The following SUN2 variants were observed in gnomAD, a reference collection of about 807,000 sequenced individuals.
SUN2 encodes the protein SUN domain-containing protein 2.
A neutral mutation model predicts 100.0 loss-of-function variants in SUN2; 60 were observed. The ratio of observed to expected loss-of-function variants is 0.60; its 90% CI spans 0.49 to 0.74. The LOEUF (loss-of-function observed/expected upper bound fraction) is 0.74. Among genes scored for constraint, SUN2 ranks in the 30% least tolerant of loss-of-function variants. The pLI is 0.00. For missense variants in SUN2, 834 were observed against 954.6 expected (o/e 0.87, Z 1.66); for synonymous variants, 367 against 403.3 (o/e 0.91, Z 1.08).
chr22:38,742,783 C>T, intron 8 of SUN2: 1 of 567,332 alleles, frequency 1.8e-6, no homozygotes, highest in Non-Finnish European at 3.1e-6. Flanking sequence ...AGGAAGGTCC[C>T]TGAGGACACA....
Position 38,740,896 on chromosome 22 carries a change from T to G in SUN2, c.1190+111A>C, listed in dbSNP as rs2092851501. The G allele has an allele frequency of 8.2e-7, 1 of 1,225,998 alleles. No individual in the cohort carries two copies. The highest frequency in any genetic ancestry group is 1.5e-5 in the African/African-American group (1 of 66,694). The allele number at this position is 1,225,998 out of a possible 1,614,324, so 75.9% of individuals were successfully genotyped here. On this transcript the variant is annotated intron_variant, in intron 11 of 17. Coordinates refer to ENST00000689035, the MANE Select transcript of SUN2 (RefSeq NM_015374.3). The surrounding 1 kb of genome is among the most constrained non-coding windows in gnomAD (Gnocchi z 4.8). ...TTCAACCCCTCCCCCTACCATCTGC[T>G]TGGCAAGATGATCAGAACTCTCTGC...
chr22:38,740,008 G>A lies in SUN2; in HGVS notation c.1357-65C>T. The A allele has an allele frequency of 1.9e-6, 3 of 1,543,008 alleles. No homozygotes were observed. Among genetic ancestry groups the A allele is most frequent in the Non-Finnish European group, 2.6e-6 (3 of 1,134,822 alleles). On this transcript the variant is annotated intron_variant, in intron 12 of 17. Transcript: ENST00000689035. This position sits in a 1 kb window ranked among gnomAD's most constrained non-coding sequence, Gnocchi z 4.8. ...AGGGACAGCAGGAGCTGCTATGACA[G>A]GGCTAGTGCTTAGCTGGATAGCAGG...
chr22:38,736,554 G>A, intron 17 of SUN2, 174 bp from the exon 18 acceptor site: 1 of 503,602 alleles, frequency 2.0e-6, no homozygotes, highest in Non-Finnish European at 3.5e-6. Context: ...CCTGAGCAGT[G>A]TTTCCAGCCA....
intron 8 of SUN2, chr22:38,743,750 C>G (rs2092879475): frequency 1.3e-5 from 2 of 151,910 alleles, no homozygotes; most frequent in Admixed American, 1.3e-4. Context: ...TTTAACTTAC[C>G]CTTTTTTACA....
intron 8 of SUN2, 63 bp from the exon 9 acceptor site, chr22:38,742,618 C>A: frequency 6.5e-7 from 1 of 1,543,378 alleles, no homozygotes; most frequent in Non-Finnish European, 8.8e-7. Flanking sequence ...TTCCCAAAGA[C>A]CACCCCGACA....
chr22:38,751,249 T>C lies in SUN2; in HGVS notation c.247A>G (p.Arg83Gly), dbSNP rs1474913633. 5 of 1,613,818 alleles carry C rather than the reference T, an allele frequency of 3.1e-6. No homozygotes were observed. The highest frequency in any genetic ancestry group is 4.5e-5 in the East Asian group (2 of 44,878). The change falls in exon 3 of 18, where the codon AGG (arginine) becomes GGG (glycine). Residue 83 changes from arginine to glycine, a missense_variant. Arg to Gly is a moderately radical substitution (Grantham distance 125). Coordinates refer to ENST00000689035, the MANE Select transcript of SUN2 (RefSeq NM_015374.3). ...CCATGCAGTTCCTCCAGGGAGCTCC[T>C]GGGTGGGAACCAGGACTCGTGGACC... ...SLVHESWFPPRSSLEELHGDA... is the reference protein window; with the variant it reads ...SLVHESWFPPGSSLEELHGDA...
chr22:38,741,045 G>C lies in SUN2; in HGVS notation c.1152C>G (p.Ser384=). ...ACTTCAGCTGCTGGATGCGAGCCTCGGACTCCTGTGTAGGAAGAAGGGACA... is the reference window on the plus strand; with the variant it reads ...ACTTCAGCTGCTGGATGCGAGCCTCCGACTCCTGTGTAGGAAGAAGGGACA... ...FKKIVRASQE[S]EARIQQLKSE... The change falls in exon 11 of 18, where the codon TCC becomes TCG. Residue 384 remains serine, a synonymous_variant. Transcript: ENST00000689035. 6.3e-7 allele frequency: 1 copy of C among 1,596,946 alleles called. No homozygotes were observed. The highest frequency in any genetic ancestry group is 8.5e-7 in the Non-Finnish European group (1 of 1,171,516).
At position 38,752,652 on chromosome 22, in the gene SUN2, C is replaced by T. The variant is rs745683805; in HGVS notation, c.-24G>A. On this transcript the variant is annotated 5_prime_UTR_variant, in exon 2 of 18. Coordinates refer to ENST00000689035, the MANE Select transcript of SUN2 (RefSeq NM_015374.3). ...ATGATGAGGTGGGATGTGGACTCTT[C>T]CCCTGAAGAGAATCTAAGGAGAGAG... The T allele has an allele frequency of 1.9e-6, 3 of 1,611,912 alleles. No individual in the cohort carries two copies.
At chr22:38,747,969 C>T (rs2092916704) in intron 7 of SUN2, among the ~76,000 whole-genome samples, 1 of 152,078 alleles carries the variant, frequency 6.6e-6, no homozygotes, top group Non-Finnish European at 1.5e-5. Context: ...CAAGGCAGGC[C>T]TGTGCTAGCG....
rs1245759909 is a variant in SUN2 at position 38,740,171 on chromosome 22, C to T, written c.1356+96G>A. On this transcript the variant is annotated intron_variant, in intron 12 of 17. Transcript: ENST00000689035. The surrounding 1 kb of genome is among the most constrained non-coding windows in gnomAD (Gnocchi z 4.8). ...CACAGTCTCTTGGGCATAACAGAGG[C>T]TGCAGGGGCAAGGGGTGCTGCTTTG... The T allele has an allele frequency of 7.1e-7, 1 of 1,411,606 alleles. No homozygotes were observed. Among genetic ancestry groups the T allele is most frequent in the East Asian group, 2.5e-5 (1 of 40,064 alleles). 87.4% of individuals were successfully genotyped at this position (1,411,606 alleles called of 1,614,324 possible).
At chr22:38,741,427 C>G (rs2092856661) in intron 10 of SUN2, 67 bp downstream of exon 10, 1 of 1,513,118 alleles carries the variant, frequency 6.6e-7, no homozygotes, top group Non-Finnish European at 9.1e-7. Flanking sequence ...GCCGAGGGGT[C>G]CGAGGTGAAC....
intron 10 of SUN2, 143 bp from the exon 11 acceptor site, chr22:38,741,193 G>T: frequency 1.1e-6 from 1 of 919,330 alleles, no homozygotes. Flanking sequence ...AATCAAACTG[G>T]CCTCCTTGTC....
At chr22:38,754,617 C>T (rs1259779690) in intron 1 of SUN2, 3 of 825,946 alleles carry the variant, frequency 3.6e-6, no homozygotes, top group Non-Finnish European at 5.3e-6. Flanking sequence ...CTCCCCCCTC[C>T]CTGCCCCGCC....
rs768995891 is a variant in SUN2 at position 38,748,778 on chromosome 22, A to G, written c.620T>C (p.Phe207Ser). Residue 207 changes from phenylalanine (F) to serine (S), a missense_variant, in exon 7 of 18, where the codon TTC (phenylalanine) becomes TCC (serine). Phe to Ser is a radical substitution (Grantham distance 155). Coordinates refer to ENST00000689035, the MANE Select transcript of SUN2 (RefSeq NM_015374.3). Reference sequence around the variant, plus strand: ...CCAGAGGAACGTCTTCAGGGACGAGAAGCGCCTGGACCACGCGGGAGGGCA... The same window carrying G: ...CCAGAGGAACGTCTTCAGGGACGAGGAGCGCCTGGACCACGCGGGAGGGCA... ...LLDVFVLTRRFSSLKTFLWFL... is the reference protein window; with the variant it reads ...LLDVFVLTRRSSSLKTFLWFL... 6 of 1,614,174 alleles carry G rather than the reference A, an allele frequency of 3.7e-6. No homozygotes were observed. The highest frequency in any genetic ancestry group is 5.1e-6 in the Non-Finnish European group (6 of 1,180,026).
chr22:38,738,448 T>C lies in SUN2; in HGVS notation c.1947+139A>G. 8.0e-7 allele frequency: 1 copy of C among 1,246,442 alleles called. No homozygotes were observed. The highest frequency in any genetic ancestry group is 1.1e-6 in the Non-Finnish European group (1 of 885,996). 77.2% of individuals were successfully genotyped at this position (1,246,442 alleles called of 1,614,324 possible). A position where few individuals can be genotyped will look rare whatever the true frequency, so the allele number is the denominator to read the frequency against. ...TAAGGTAACAGGGACTGAAGTGCTG[T>C]CTCCCACCCTAGCTCCTCCTCTTCC... is the stretch of plus-strand genomic sequence containing the variant. On this transcript the variant is annotated intron_variant, in intron 16 of 17. Coordinates refer to ENST00000689035, the MANE Select transcript of SUN2 (RefSeq NM_015374.3). This position sits in a 1 kb window ranked among gnomAD's most constrained non-coding sequence, Gnocchi z 6.6.
rs377339200 is a variant in SUN2 at position 38,751,314 on chromosome 22, G to A, written c.182C>T (p.Pro61Leu). Residue 61 changes from proline (P) to leucine (L), a missense_variant, in exon 3 of 18, where the codon CCG (proline) becomes CTG (leucine). By Grantham distance (98) the Pro-to-Leu change is moderately conservative. Around this residue, in one of 3 missense-constraint regions of SUN2, gnomAD observed 559 missense variants for 597.7 expected, o/e 0.94. Transcript: ENST00000689035. ...KRLSPAPQLG[P>L]SSDAHTSYYS... ...GTAGGAGGTGTGTGCATCAGAGGAC[G>A]GGCCCAGCTGTGGCGCTGGGGACAG... 30 of 1,614,008 alleles carry A rather than the reference G, an allele frequency of 1.9e-5. No individual in the cohort carries two copies. The highest frequency in any genetic ancestry group is 1.0e-4 in the Admixed American group (6 of 59,992).
chr22:38,750,447 G>A (rs1027591560), intron 4 of SUN2, 127 bp from the exon 5 acceptor site: 47 of 1,515,570 alleles, frequency 3.1e-5, no homozygotes, highest in South Asian at 1.4e-4. Context: ...CACAGGCCCG[G>A]TGTGCAGTAA....
In SUN2 at chr22:38,737,984, C is replaced by A. The variant is rs1274826013; in HGVS notation, c.2040+189G>T. ...CCTCATGCTGCCCTTCTGGAAGGTGCCTTCCCCTGTGCTGACGTCTGCAGG... is the reference window on the plus strand; with the variant it reads ...CCTCATGCTGCCCTTCTGGAAGGTGACTTCCCCTGTGCTGACGTCTGCAGG... On this transcript the variant is annotated intron_variant, in intron 17 of 17. Coordinates refer to ENST00000689035, the MANE Select transcript of SUN2 (RefSeq NM_015374.3). The surrounding 1 kb of genome is among the most constrained non-coding windows in gnomAD (Gnocchi z 4.1). The A allele has an allele frequency of 2.8e-6, 2 of 712,580 alleles. No individual in the cohort carries two copies. The highest frequency in any genetic ancestry group is 3.5e-5 in the African/African-American group (2 of 57,108). 44.1% of individuals were successfully genotyped at this position (712,580 alleles called of 1,614,324 possible). A position where few individuals can be genotyped will look rare whatever the true frequency, so the allele number is the denominator to read the frequency against.
intron 7 of SUN2, among the ~76,000 whole-genome samples, chr22:38,746,971 T>G (rs917125780): frequency 1.3e-5 from 2 of 149,664 alleles, no homozygotes; most frequent in African/African-American, 5.0e-5. Context: ...GAGGTGGAGC[T>G]TGCAGTGAGT....
Sources: gnomAD v4.1 joint callset for allele counts (sites outside exome capture counted in the v4.1 genomes callset) on GRCh38, gnomAD v4.1.1 for gene constraint, gnomAD v4.1.1 regional missense constraint, Gnocchi (gnomAD v3.1) non-coding constraint, MANE v1.5 for transcripts, NCBI Gene and HGNC (gene_info 2026-07-23, HGNC 2026-07-21) for gene names.